RALA: variants seen among roughly 807,000 people sequenced by gnomAD.
The protein encoded by RALA is RAS like proto-oncogene A, also known as ras-related protein Ral-A.
A neutral mutation model predicts 24.0 loss-of-function variants in RALA; 5 were observed. The ratio of observed to expected loss-of-function variants is 0.21; its 90% CI spans 0.11 to 0.44. The LOEUF (loss-of-function observed/expected upper bound fraction) is 0.44, where lower values mean the gene tolerates loss of function less well. RALA is among the 20% of genes least tolerant of loss of function. The pLI is 0.99. For synonymous variants in RALA, 77 were observed against 83.8 expected (o/e 0.92, Z 0.44); for missense variants, 95 against 241.2 (o/e 0.39, Z 4.01).
chr7:39,641,043 A>T (rs1791807025), intron 1 of RALA, among the ~76,000 whole-genome samples: 1 of 152,188 alleles, frequency 6.6e-6, no homozygotes, highest in Non-Finnish European at 1.5e-5. Context: ...GAGCCCAAGA[A>T]ATGGAGTGCT....
chr7:39,668,662 G>A (rs1040489106), intron 1 of RALA, among the ~76,000 whole-genome samples: 56 of 152,080 alleles, frequency 3.7e-4, no homozygotes, highest in Admixed American at 1.1e-3. Context: ...GCTGGGCATG[G>A]TGGCGCATGC....
At chr7:39,646,163 C>T (rs1791919732) in intron 1 of RALA, among the ~76,000 whole-genome samples, 1 of 152,184 alleles carries the variant, frequency 6.6e-6, no homozygotes, top group African/African-American at 2.4e-5. Flanking sequence ...TATGCTGGCT[C>T]ATGCATATAG....
chr7:39,699,265 C>T (rs896061599), intron 4 of RALA, among the ~76,000 whole-genome samples: 1 of 149,558 alleles, frequency 6.7e-6, no homozygotes, highest in Non-Finnish European at 1.5e-5. Context: ...CTCAGCCTCC[C>T]GAGTAGCTGG....
At chr7:39,628,376 T>TACACACAC (rs36095637) in intron 1 of RALA, among the ~76,000 whole-genome samples, 1,943 of 145,124 alleles carry the variant, frequency 0.013, 17 homozygotes, top group African/African-American at 0.016. Context: ...ACCTCATAAC[T>TACACACAC]ACACACACAC....
intron 1 of RALA, among the ~76,000 whole-genome samples, chr7:39,635,872 TA>T (rs1392319619): frequency 2.0e-5 from 3 of 152,178 alleles, no homozygotes; most frequent in African/African-American, 7.2e-5. Flanking sequence ...CACAGACTGG[TA>T]CCAGTTTGTG....
Position 39,706,509 on chromosome 7 carries a change from C to T in RALA, c.*264C>T. On this transcript the variant is annotated 3_prime_UTR_variant, in exon 5 of 5. Coordinates refer to ENST00000005257, the MANE Select transcript of RALA (RefSeq NM_005402.4). Reference sequence around the variant, plus strand: ...GAATGTAGCGTGTAAGCTTGTGTTTCTTGGGCAGTCTTTCTTGAAATTGAA... The same window carrying T: ...GAATGTAGCGTGTAAGCTTGTGTTTTTTGGGCAGTCTTTCTTGAAATTGAA... 1 of 255,302 alleles carries T rather than the reference C, an allele frequency of 3.9e-6. No homozygotes were observed. Among genetic ancestry groups the T allele is most frequent in the Non-Finnish European group, 7.4e-6 (1 of 135,762 alleles). 15.8% of individuals were successfully genotyped at this position (255,302 alleles called of 1,614,324 possible). A position where few individuals can be genotyped will look rare whatever the true frequency, so the allele number is the denominator to read the frequency against.
At chr7:39,662,233 G>A (rs1254832141) in intron 1 of RALA, among the ~76,000 whole-genome samples, 2 of 117,236 alleles carry the variant, frequency 1.7e-5, no homozygotes, top group Non-Finnish European at 4.1e-5. Flanking sequence ...ACATACCCTG[G>A]AGACATTTTC....
At chr7:39,675,915 A>G (rs1234178383) in intron 1 of RALA, among the ~76,000 whole-genome samples, 1 of 152,146 alleles carries the variant, frequency 6.6e-6, no homozygotes, top group Non-Finnish European at 1.5e-5. Flanking sequence ...CCATTCACTA[A>G]GACGGCCTTT....
intron 2 of RALA, among the ~76,000 whole-genome samples, chr7:39,688,263 G>A (rs9648483): frequency 0.31 from 47,398 of 151,960 alleles, 8,181 homozygotes; most frequent in Non-Finnish European, 0.4. Context: ...TTAGCTGGGC[G>A]TGGTGCTGCA....
chr7:39,643,055 C>G (rs1328173168), intron 1 of RALA, among the ~76,000 whole-genome samples: 45 of 152,154 alleles, frequency 3.0e-4, no homozygotes, highest in Non-Finnish European at 1.5e-5. Flanking sequence ...TGTAGATTTC[C>G]TTCTGTTCCC....
At chr7:39,660,075 G>T (rs972154793) in intron 1 of RALA, among the ~76,000 whole-genome samples, 1 of 152,066 alleles carries the variant, frequency 6.6e-6, no homozygotes, top group African/African-American at 2.4e-5. Flanking sequence ...GCCAGGCACA[G>T]TGGCTCACGA....
intron 1 of RALA, among the ~76,000 whole-genome samples, chr7:39,679,295 C>T (rs957643530): frequency 6.6e-5 from 10 of 152,104 alleles, no homozygotes; most frequent in African/African-American, 9.7e-5. Context: ...TTCTCTGTTA[C>T]GTATTCTTCT....
intron 1 of RALA, among the ~76,000 whole-genome samples, chr7:39,629,440 A>T (rs1208945210): frequency 6.6e-6 from 1 of 151,846 alleles, no homozygotes; most frequent in Admixed American, 6.6e-5. Context: ...TTTGAGATGG[A>T]GTTTCGCTCT....
intron 4 of RALA, chr7:39,700,745 C>G (rs1793012322): frequency 6.6e-6 from 1 of 152,092 alleles, no homozygotes; most frequent in Non-Finnish European, 1.5e-5. Context: ...AGTCTGCAGT[C>G]GGTGGTCACC....
chr7:39,672,936 T>C (rs1484961645), intron 1 of RALA, among the ~76,000 whole-genome samples: 1 of 152,208 alleles, frequency 6.6e-6, no homozygotes, highest in Non-Finnish European at 1.5e-5. Flanking sequence ...AACTATACAC[T>C]TAAAAGGGTG....
chr7:39,656,131 TA>T (rs1792092287), intron 1 of RALA, among the ~76,000 whole-genome samples: 1 of 152,194 alleles, frequency 6.6e-6, no homozygotes, highest in African/African-American at 2.4e-5. Flanking sequence ...TCAGATATCT[TA>T]AATTTATTCC....
At chr7:39,645,045 G>A (rs932763365) in intron 1 of RALA, among the ~76,000 whole-genome samples, 3 of 152,130 alleles carry the variant, frequency 2.0e-5, no homozygotes, top group Non-Finnish European at 4.4e-5. Context: ...GGATTAAGCC[G>A]GTTTGATGCA....
intron 1 of RALA, among the ~76,000 whole-genome samples, chr7:39,630,340 T>C (rs574119854): frequency 1.3e-4 from 19 of 151,356 alleles, no homozygotes; most frequent in Non-Finnish European, 1.9e-4. Flanking sequence ...GCATGAGCTA[T>C]CGTGCCCGAC....
chr7:39,654,878 G>A (rs1406520358), intron 1 of RALA, among the ~76,000 whole-genome samples: 2 of 152,008 alleles, frequency 1.3e-5, no homozygotes, highest in African/African-American at 2.4e-5. Flanking sequence ...AACCTCCCAA[G>A]CAGCTGGGGC....
Sources: gnomAD v4.1 joint callset for allele counts (sites outside exome capture counted in the v4.1 genomes callset) on GRCh38, gnomAD v4.1.1 for gene constraint, MANE v1.5 for transcripts, NCBI Gene and HGNC (gene_info 2026-07-23, HGNC 2026-07-21) for gene names.